Variants in B3GAT2 observed in about 807,000 individuals in gnomAD.
The protein encoded by B3GAT2 is galactosylgalactosylxylosylprotein 3-beta-glucuronosyltransferase 2.
In B3GAT2, 26 loss-of-function variants were observed where a neutral mutation model predicts 27.8. The observed-to-expected ratio is 0.93, with a 90% CI of 0.68 to 1.30. B3GAT2 has a LOEUF of 1.30. Ranked by LOEUF, B3GAT2 falls within the 50% of genes most tolerant of loss-of-function variation. B3GAT2 has a pLI of 0.00. For synonymous variants in B3GAT2, 218 were observed against 195.1 expected, an observed-to-expected ratio of 1.12 and a Z score of -0.98; for missense variants, 458 against 459.0, an observed-to-expected ratio of 1.00 and a Z score of 0.02.
Position 70,895,292 on chromosome 6 carries a change from C to T in B3GAT2, c.592-1020G>A, listed in dbSNP as rs142013254. Among the ~76,000 whole-genome samples the T allele has an allele frequency of 1.2e-3, 180 of 152,022 alleles. 1 individual carries two copies. The highest frequency in any genetic ancestry group is 0.011 in the South Asian group (53 of 4,814). ...TATTTGCTATAGAACTGAACTGGGT[C>T]ATAATCAGTTAACCAGTGGTTAAAT... On this transcript the variant is annotated intron_variant, in intron 1 of 3. Transcript: ENST00000230053.
Position 70,902,590 on chromosome 6 carries a change from C to T in B3GAT2, c.592-8318G>A, listed in dbSNP as rs1299106930. On this transcript the variant is annotated intron_variant, in intron 1 of 3. Transcript: ENST00000230053. ...ATACAAAATCAACCTAAGTGCCTAT[C>T]AACAGATGAATGGATTAAGAAAATG... Among the ~76,000 whole-genome samples, 3 of 140,998 alleles carry T rather than the reference C, an allele frequency of 2.1e-5. No homozygotes were observed. The East Asian group carries it at 6.4e-4, about 30-fold the overall frequency. 92.5% of individuals were successfully genotyped at this position (140,998 alleles called of 152,430 possible).
At chr6:70,928,177 T>G (rs372526597) in intron 1 of B3GAT2, among the ~76,000 whole-genome samples, 18 of 152,006 alleles carry the variant, frequency 1.2e-4, no homozygotes, top group African/African-American at 4.3e-4. Context: ...TGGGACACAT[T>G]CAAAGCAGTG....
At position 70,956,997 on chromosome 6, in the gene B3GAT2, G is replaced by A; in HGVS notation, c.-568C>T. On this transcript the variant is annotated 5_prime_UTR_variant, in exon 1 of 4. Transcript: ENST00000230053. ...TGTGTCCCGGCTGTGTTCGCGCGCCGCAGCGGAAGCCTGCTCTCAGTCCCT... is the reference window on the plus strand; with the variant it reads ...TGTGTCCCGGCTGTGTTCGCGCGCCACAGCGGAAGCCTGCTCTCAGTCCCT... 1.0e-6 allele frequency: 1 copy of A among 1,000,300 alleles called. No individual in the cohort carries two copies. The highest frequency in any genetic ancestry group is 1.2e-6 in the Non-Finnish European group (1 of 840,330). 62.0% of individuals were successfully genotyped at this position (1,000,300 alleles called of 1,614,324 possible).
intron 1 of B3GAT2, among the ~76,000 whole-genome samples, chr6:70,943,968 C>A (rs978459049): frequency 5.3e-5 from 8 of 152,094 alleles, no homozygotes; most frequent in Non-Finnish European, 1.0e-4. Context: ...ACCACACACA[C>A]AAAAAATGAT....
chr6:70,920,704 G>A (rs1371938456), intron 1 of B3GAT2, among the ~76,000 whole-genome samples: 19 of 152,236 alleles, frequency 1.2e-4, no homozygotes, highest in Non-Finnish European at 2.8e-4. Flanking sequence ...ATGCAGACTT[G>A]ATAGCGTAAT....
At chr6:70,949,889 T>C (rs1765551428) in intron 1 of B3GAT2, among the ~76,000 whole-genome samples, 1 of 151,874 alleles carries the variant, frequency 6.6e-6, no homozygotes, top group Non-Finnish European at 1.5e-5. Flanking sequence ...AAATGATGAG[T>C]TCATGTCCTT....
intron 2 of B3GAT2, among the ~76,000 whole-genome samples, chr6:70,862,848 G>A (rs548911009): frequency 3.9e-5 from 6 of 152,162 alleles, no homozygotes; most frequent in East Asian, 3.9e-4. Context: ...CACGTGGTGC[G>A]TGCCTGTAGT....
chr6:70,897,227 C>A (rs367667694), intron 1 of B3GAT2, among the ~76,000 whole-genome samples: 258 of 135,828 alleles, frequency 1.9e-3, no homozygotes, highest in Non-Finnish European at 2.0e-3. Context: ...TTCGCACATT[C>A]AAAAAAAAAA....
Position 70,956,176 on chromosome 6 carries a change from A to T in B3GAT2, c.254T>A (p.Ile85Asn). The stretch of plus-strand genomic sequence containing the variant: ...CACCGGGCGGCTGTAGGTGGGCGTG[A>T]TGGCATAGATGGTGGGCAGCTGCGG... ...PEPQLPTIYA[I>N]TPTYSRPVQK... The change falls in exon 1 of 4, where the codon ATC (isoleucine) becomes AAC (asparagine). Residue 85 changes from isoleucine to asparagine, a missense_variant. By Grantham distance (149) the Ile-to-Asn change is moderately radical. Coordinates refer to ENST00000230053, the MANE Select transcript of B3GAT2 (RefSeq NM_080742.3). 1 of 1,610,510 alleles carries T rather than the reference A, an allele frequency of 6.2e-7. No individual in the cohort carries two copies. Among genetic ancestry groups the T allele is most frequent in the Non-Finnish European group, 8.5e-7 (1 of 1,178,170 alleles).
At chr6:70,889,097 C>T (rs112694098) in intron 2 of B3GAT2, among the ~76,000 whole-genome samples, 40 of 152,232 alleles carry the variant, frequency 2.6e-4, no homozygotes, top group African/African-American at 8.4e-4. Context: ...ATTTGGCGGA[C>T]GGTCAATTCC....
chr6:70,956,037 C>A lies in B3GAT2; in HGVS notation c.393G>T (p.Ala131=), dbSNP rs767612928. Reference sequence around the variant, plus strand: ...GGTGAGTGCTGGGCAGCCCGGCCCGCGCCAGGAAGCGGCTCACCAGCTCGC... The same window carrying A: ...GGTGAGTGCTGGGCAGCCCGGCCCGAGCCAGGAAGCGGCTCACCAGCTCGC... ...ARSELVSRFL[A]RAGLPSTHLH... Residue 131 remains alanine (A), a synonymous_variant, in exon 1 of 4, where the codon GCG becomes GCT. Transcript: ENST00000230053. 17 of 1,559,980 alleles carry A rather than the reference C, an allele frequency of 1.1e-5. No homozygotes were observed. The highest frequency in any genetic ancestry group is 1.5e-5 in the Non-Finnish European group (17 of 1,160,620).
chr6:70,857,868 A>C lies in B3GAT2; in HGVS notation c.*3795T>G. On this transcript the variant is annotated 3_prime_UTR_variant, in exon 4 of 4. Transcript: ENST00000230053. The stretch of plus-strand genomic sequence containing the variant: ...CAATTTTTCTGTGATTATAGAGATG[A>C]GTGCAACTACACGTGATAGCTCTGT... 1 of 1,569,084 alleles carries C rather than the reference A, an allele frequency of 6.4e-7. No homozygotes were observed. Among genetic ancestry groups the C allele is most frequent in the Non-Finnish European group, 8.7e-7 (1 of 1,153,276 alleles).
At chr6:70,936,930 A>G (rs1162405634) in intron 1 of B3GAT2, among the ~76,000 whole-genome samples, 1 of 152,068 alleles carries the variant, frequency 6.6e-6, no homozygotes, top group Non-Finnish European at 1.5e-5. Context: ...AAATAGAGAC[A>G]CAAAAAACCC....
chr6:70,916,226 C>T (rs1473977213), intron 1 of B3GAT2, among the ~76,000 whole-genome samples: 1 of 151,930 alleles, frequency 6.6e-6, no homozygotes, highest in Non-Finnish European at 1.5e-5. Flanking sequence ...GATAGGAATG[C>T]TTGTGATTTT....
chr6:70,857,917 T>TG lies in B3GAT2; in HGVS notation c.*3745dup, dbSNP rs779966816. Reference sequence around the variant, plus strand: ...GTCTTCATTCATTTTCTTTTTGTGGTGCAGGTGTATTTATGGGACCCACAA... The same window carrying TG: ...GTCTTCATTCATTTTCTTTTTGTGGTGGCAGGTGTATTTATGGGACCCACAA... On this transcript the variant is annotated 3_prime_UTR_variant, in exon 4 of 4. Coordinates refer to ENST00000230053, the MANE Select transcript of B3GAT2 (RefSeq NM_080742.3). The TG allele has an allele frequency of 4.3e-6, 7 of 1,613,254 alleles. No homozygotes were observed. In the South Asian group the frequency reaches 7.7e-5, roughly 18 times the overall value.
intron 1 of B3GAT2, among the ~76,000 whole-genome samples, chr6:70,922,215 A>G (rs1772881329): frequency 1.3e-5 from 2 of 152,234 alleles, no homozygotes; most frequent in Non-Finnish European, 2.9e-5. Context: ...TTCAAAATAC[A>G]TAAAATAAAA....
intron 3 of B3GAT2, 23 bp downstream of exon 3, chr6:70,861,807 G>A: frequency 1.2e-6 from 2 of 1,613,852 alleles, no homozygotes; most frequent in African/African-American, 1.3e-5. Flanking sequence ...CTCGAGGTCG[G>A]GCAGCACAAG....
intron 1 of B3GAT2, among the ~76,000 whole-genome samples, chr6:70,936,705 C>CATGTTTCAAAGAACATCTGGTATGTT (rs1562234277): frequency 3.9e-5 from 6 of 151,972 alleles, no homozygotes; most frequent in Admixed American, 1.3e-4. Flanking sequence ...TTGAAACCAA[C>CATGTTTCAAAGAACATCTGGTATGTT]GAGAACAAAG....
intron 1 of B3GAT2, among the ~76,000 whole-genome samples, chr6:70,917,040 G>A (rs1011917836): frequency 6.6e-6 from 1 of 152,000 alleles, no homozygotes; most frequent in Admixed American, 6.5e-5. Context: ...GACTTTTTTT[G>A]GTTGGTTGGC....
Sources: gnomAD v4.1 joint callset for allele counts (sites outside exome capture counted in the v4.1 genomes callset) on GRCh38, gnomAD v4.1.1 for gene constraint, MANE v1.5 for transcripts, NCBI Gene and HGNC (gene_info 2026-07-23, HGNC 2026-07-21) for gene names.